The following USP10 variants were observed in gnomAD, a reference collection of about 807,000 sequenced individuals.
USP10 encodes the protein ubiquitin specific peptidase 10.
Under a neutral mutation model 84.5 loss-of-function variants are expected in USP10, and 22 were observed. The observed-to-expected ratio is 0.26, with a 90% CI of 0.19 to 0.37. USP10 has a LOEUF of 0.37. USP10 is among the 10% of genes least tolerant of loss of function. USP10 has a pLI of 1.00. For synonymous variants in USP10, 454 were observed against 387.6 expected (o/e 1.17, Z -2.01); for missense variants, 1,019 against 998.9 (o/e 1.02, Z -0.27).
intron 11 of USP10, among the ~76,000 whole-genome samples, chr16:84,770,052 T>C (rs1294635782): frequency 6.6e-6 from 1 of 151,992 alleles, no homozygotes; most frequent in Non-Finnish European, 1.5e-5. Flanking sequence ...GAGGCTGCAG[T>C]GAGCTATGAT....
intron 8 of USP10, 119 bp from the exon 9 acceptor site, chr16:84,762,870 A>C (rs1913371889): frequency 1.7e-6 from 1 of 575,154 alleles, no homozygotes; most frequent in Non-Finnish European, 3.1e-6. Context: ...CATTGTTTGG[A>C]AATACTTTAC....
At chr16:84,766,282 C>A (rs879619403) in intron 10 of USP10, among the ~76,000 whole-genome samples, 2 of 152,238 alleles carry the variant, frequency 1.3e-5, no homozygotes, top group African/African-American at 4.8e-5. Flanking sequence ...CTTCTGTGTT[C>A]TGCACTGTGA....
intron 2 of USP10, among the ~76,000 whole-genome samples, chr16:84,739,397 A>G (rs1291245926): frequency 6.6e-6 from 1 of 151,796 alleles, no homozygotes; most frequent in Non-Finnish European, 1.5e-5. Flanking sequence ...TTAGCCTCCC[A>G]AGTAGCTGGG....
chr16:84,777,329 C>A (rs1915124539), intron 13 of USP10, among the ~76,000 whole-genome samples: 1 of 152,144 alleles, frequency 6.6e-6, no homozygotes, highest in South Asian at 2.1e-4. Context: ...TTAGTAAAAC[C>A]CCCAGGCCCT....
chr16:84,766,521 A>C (rs563500633), intron 10 of USP10, among the ~76,000 whole-genome samples: 12 of 152,088 alleles, frequency 7.9e-5, no homozygotes, highest in African/African-American at 2.7e-4. Context: ...TTGTGAGGAC[A>C]CCCCCTCGGG....
chr16:84,749,078 T>A (rs531435016), intron 4 of USP10, among the ~76,000 whole-genome samples: 1 of 151,784 alleles, frequency 6.6e-6, no homozygotes, highest in South Asian at 2.1e-4. Flanking sequence ...TTCAGGAGTC[T>A]CGTGAGATAG....
intron 1 of USP10, among the ~76,000 whole-genome samples, chr16:84,717,932 A>C (rs1280855885): frequency 6.6e-6 from 1 of 152,170 alleles, no homozygotes; most frequent in African/African-American, 2.4e-5. Context: ...GGTCCCAGAA[A>C]TTTGGGATTC....
At chr16:84,713,199 A>G (rs1906536140) in intron 1 of USP10, among the ~76,000 whole-genome samples, 1 of 152,072 alleles carries the variant, frequency 6.6e-6, no homozygotes, top group Non-Finnish European at 1.5e-5. Flanking sequence ...CCCACTAGTT[A>G]TTTATTGAAC....
At chr16:84,746,923 C>G (rs1433781668) in intron 4 of USP10, among the ~76,000 whole-genome samples, 1 of 152,132 alleles carries the variant, frequency 6.6e-6, no homozygotes, top group African/African-American at 2.4e-5. Flanking sequence ...CCTTTTTATT[C>G]TTACTTTCCT....
intron 1 of USP10, among the ~76,000 whole-genome samples, chr16:84,715,631 C>A (rs116168850): frequency 0.013 from 1,920 of 152,040 alleles, 35 homozygotes; most frequent in African/African-American, 0.043. Context: ...TGTTAGGGTG[C>A]CCTCCCTTTT....
chr16:84,757,218 G>C (rs1215519769), intron 4 of USP10, among the ~76,000 whole-genome samples: 1 of 152,156 alleles, frequency 6.6e-6, no homozygotes, highest in African/African-American at 2.4e-5. Flanking sequence ...TCAAGGCCCA[G>C]TTCGGTATTC....
intron 3 of USP10, among the ~76,000 whole-genome samples, chr16:84,740,820 C>T (rs1002640672): frequency 7.2e-5 from 11 of 152,250 alleles, no homozygotes; most frequent in African/African-American, 2.4e-4. Context: ...GTCGCTGACT[C>T]TTGGGAACTC....
intron 1 of USP10, among the ~76,000 whole-genome samples, chr16:84,721,469 C>G (rs1004572959): frequency 3.3e-4 from 50 of 152,324 alleles, no homozygotes; most frequent in African/African-American, 1.0e-3. Context: ...AAAAAGTCAA[C>G]CTTATTGAAG....
intron 1 of USP10, among the ~76,000 whole-genome samples, chr16:84,708,215 C>G (rs1426278373): frequency 2.6e-5 from 4 of 151,948 alleles, no homozygotes; most frequent in Non-Finnish European, 5.9e-5. Flanking sequence ...TTTGGGAGGT[C>G]GAGGTGGGTG....
At position 84,726,251 on chromosome 16, in the gene USP10, C is replaced by G. The variant is rs928618993; in HGVS notation, c.22-7184C>G. ...CTGTACTGATAGTCCCCAGCGTCTC[C>G]TGAAGCCGAAAGTGGCGTTTCCCGC... On this transcript the variant is annotated intron_variant, in intron 1 of 13. Coordinates refer to ENST00000219473, the MANE Select transcript of USP10 (RefSeq NM_005153.3). 7.9e-5 allele frequency among the ~76,000 whole-genome samples: 12 copies of G among 152,362 alleles called. 1 individual carries two copies. The East Asian group carries it at 2.3e-3, about 29-fold the overall frequency.
chr16:84,718,985 T>C (rs1386873438), intron 1 of USP10, among the ~76,000 whole-genome samples: 2 of 151,742 alleles, frequency 1.3e-5, no homozygotes, highest in African/African-American at 2.4e-5. Flanking sequence ...AGAGACAGGG[T>C]TTCACTATGT....
intron 11 of USP10, among the ~76,000 whole-genome samples, chr16:84,771,633 C>T (rs1212631899): frequency 6.6e-6 from 1 of 152,218 alleles, no homozygotes; most frequent in Admixed American, 6.5e-5. Context: ...CTTTGGGAGG[C>T]TGAGGCAGGT....
At chr16:84,757,396 G>GGGGTGT (rs1555546425) in intron 4 of USP10, among the ~76,000 whole-genome samples, 50 of 127,438 alleles carry the variant, frequency 3.9e-4, no homozygotes, top group African/African-American at 1.3e-3. Context: ...GAATGAGAGG[G>GGGGTGT]GTGGGGGTGT....
intron 10 of USP10, among the ~76,000 whole-genome samples, chr16:84,764,681 A>G (rs1913620614): frequency 1.3e-5 from 2 of 152,050 alleles, no homozygotes; most frequent in African/African-American, 4.8e-5. Context: ...AAATACAAAA[A>G]TCAACCAGGT....
Sources: gnomAD v4.1 joint callset for allele counts (sites outside exome capture counted in the v4.1 genomes callset) on GRCh38, gnomAD v4.1.1 for gene constraint, MANE v1.5 for transcripts, NCBI Gene and HGNC (gene_info 2026-07-23, HGNC 2026-07-21) for gene names.